The following SMG5 variants were observed in gnomAD, a reference collection of about 807,000 sequenced individuals.
SMG5 encodes the protein nonsense-mediated mRNA decay factor SMG5.
A neutral mutation model predicts 122.9 loss-of-function variants in SMG5; 53 were observed. That is an observed-to-expected ratio of 0.43 (90% confidence interval 0.35 to 0.54). The LOEUF is 0.54. Ranked by LOEUF, SMG5 falls within the 20% of genes least tolerant of loss-of-function variation. The pLI is 0.01. For missense variants in SMG5, 1,153 were observed against 1,285.6 expected (o/e 0.90, Z 1.58); for synonymous variants, 477 against 490.2 (o/e 0.97, Z 0.35).
intron 19 of SMG5, among the ~76,000 whole-genome samples, chr1:156,251,712 G>A (rs930883982): frequency 3.9e-5 from 6 of 152,220 alleles, no homozygotes; most frequent in African/African-American, 1.2e-4. Flanking sequence ...AGCTGGGAGG[G>A]GAGAAGCAGC....
chr1:156,250,901 C>T lies in SMG5; in HGVS notation c.2924G>A (p.Gly975Asp). ...CACGCTGGGGTTGTCCAGTGGAAGG[C>T]CTGTGATGATGGTCACCATGCCACT... ...DPSGMVTIIT[G>D]LPLDNPSVLS... Residue 975 changes from glycine (G) to aspartate (D), a missense_variant, in exon 21 of 22, where the codon GGC (glycine) becomes GAC (aspartate). Gly to Asp is a moderately conservative substitution (Grantham distance 94). Coordinates refer to ENST00000361813, the MANE Select transcript of SMG5 (RefSeq NM_015327.3). 2 of 1,613,954 alleles carry T rather than the reference C, an allele frequency of 1.2e-6. No individual in the cohort carries two copies. The highest frequency in any genetic ancestry group is 1.3e-5 in the African/African-American group (1 of 75,008).
chr1:156,273,335 A>G, intron 6 of SMG5, 26 bp downstream of exon 6: 9 of 1,600,758 alleles, frequency 5.6e-6, no homozygotes, highest in Non-Finnish European at 6.8e-6. Context: ...TACTGGATTC[A>G]GAGGCCCAAG....
chr1:156,260,453 C>A lies in SMG5; in HGVS notation c.2281G>T (p.Glu761Ter). The A allele has an allele frequency of 6.3e-7, 1 of 1,598,664 alleles. No homozygotes were observed. Among genetic ancestry groups the A allele is most frequent in the Non-Finnish European group, 8.5e-7 (1 of 1,174,578 alleles). Residue 761 changes from glutamate to a stop codon, truncating the protein, a stop_gained and splice_region_variant, in exon 15 of 22, where the codon GAG becomes TAG. Coordinates refer to ENST00000361813, the MANE Select transcript of SMG5 (RefSeq NM_015327.3). LOFTEE classifies it high-confidence loss of function. ...GGCATAAGAAATGCTATCCTTACCT[C>A]CTCTAAGGTGCTGAGCAGGGGCCGA... ...TDRPLLSTLE[E>*]SVVRICCIRS... is the part of the protein sequence containing the mutation.
At chr1:156,260,739 T>G in intron 14 of SMG5, 113 bp from the exon 15 acceptor site, 1 of 984,394 alleles carries the variant, frequency 1.0e-6, no homozygotes, top group East Asian at 3.0e-5. Context: ...AGGCAGGACA[T>G]ACCCTAGGAC....
Position 156,272,410 on chromosome 1 carries a change from G to C in SMG5, c.635-12C>G. ...ATTGAAGGGCATTCCTAGGGAGAAA[G>C]AGAATTCATGCAGTCTAAGGCCACA... is the stretch of plus-strand genomic sequence containing the variant. On this transcript the variant is annotated splice_polypyrimidine_tract_variant and intron_variant, in intron 6 of 21. Transcript: ENST00000361813. 1 of 1,593,682 alleles carries C rather than the reference G, an allele frequency of 6.3e-7. No homozygotes were observed.
At chr1:156,287,668 G>C (rs1663208413), upstream of SMG5, among the ~76,000 whole-genome samples, 1 of 139,376 alleles carries the variant, frequency 7.2e-6, no homozygotes, top group Non-Finnish European at 1.5e-5. Context: ...AGGCTGGAGA[G>C]TACAATGGCA....
chr1:156,275,255 A>G (rs1437244145), intron 4 of SMG5, among the ~76,000 whole-genome samples: 1 of 152,198 alleles, frequency 6.6e-6, no homozygotes, highest in African/African-American at 2.4e-5. Context: ...AAGGCAGCCT[A>G]CTGGAGAGTC....
chr1:156,279,134 G>A (rs1662819769), intron 1 of SMG5, 100 bp from the exon 2 acceptor site: 4 of 1,026,790 alleles, frequency 3.9e-6, no homozygotes, highest in Middle Eastern at 2.2e-4. Flanking sequence ...AGAATTAGCG[G>A]TGAGGGAAAA....
At chr1:156,257,510 A>C (rs1219422965) in intron 16 of SMG5, among the ~76,000 whole-genome samples, 1 of 152,098 alleles carries the variant, frequency 6.6e-6, no homozygotes, top group Non-Finnish European at 1.5e-5. Flanking sequence ...CTACCCCCCG[A>C]CAGGAAGAGT....
chr1:156,291,311 C>G, the SMG5 span: 88 of 1,409,292 alleles, frequency 6.2e-5, no homozygotes, highest in Middle Eastern at 3.6e-4. Flanking sequence ...TCTACTCCCC[C>G]CACCGTCAGC....
chr1:156,285,286 G>C (rs759740572), upstream of SMG5: 3 of 1,572,230 alleles, frequency 1.9e-6, no homozygotes, highest in Admixed American at 3.9e-5. Context: ...CCCCAGAGAA[G>C]AGCTCACCCC....
chr1:156,258,657 G>A (rs1160608107), intron 16 of SMG5, among the ~76,000 whole-genome samples: 8 of 152,182 alleles, frequency 5.3e-5, no homozygotes, highest in Non-Finnish European at 1.0e-4. Context: ...TTAGCTGGGC[G>A]TGGTGGCGTG....
At chr1:156,279,067 C>T (rs1384107311) in intron 1 of SMG5, 33 bp from the exon 2 acceptor site, 1 of 1,556,776 alleles carries the variant, frequency 6.4e-7, no homozygotes, top group Admixed American at 1.7e-5. Context: ...ATCCCCTCAG[C>T]CATATGCATG....
chr1:156,250,819 C>T (rs370208500), intron 21 of SMG5, 39 bp downstream of exon 21: 6 of 1,611,130 alleles, frequency 3.7e-6, no homozygotes, highest in African/African-American at 2.7e-5. Flanking sequence ...GTACCTCGTC[C>T]CTATTCCACA....
At chr1:156,291,466 G>T in the SMG5 span, 3 of 1,613,736 alleles carry the variant, frequency 1.9e-6, no homozygotes, top group South Asian at 3.3e-5. Context: ...CACTGCTGTC[G>T]ATGCTGATGT....
At chr1:156,276,764 CA>C (rs1662702177) in intron 4 of SMG5, among the ~76,000 whole-genome samples, 1 of 152,138 alleles carries the variant, frequency 6.6e-6, no homozygotes. Flanking sequence ...TCTCTAAAGT[CA>C]AAAGAAACAG....
chr1:156,269,698 A>AC (rs927268815), intron 7 of SMG5, among the ~76,000 whole-genome samples: 1 of 152,028 alleles, frequency 6.6e-6, no homozygotes, highest in African/African-American at 2.4e-5. Flanking sequence ...ACACAGTGAG[A>AC]CCCCGTCTCT....
At chr1:156,250,745 G>T in intron 21 of SMG5, 75 bp from the exon 22 acceptor site, 1 of 1,601,978 alleles carries the variant, frequency 6.2e-7, no homozygotes, top group Non-Finnish European at 8.6e-7. Context: ...AGGCGCTGGG[G>T]AAGGAGTGAT....
At chr1:156,266,765 C>A in intron 10 of SMG5, 87 bp from the exon 11 acceptor site, 9 of 1,363,880 alleles carry the variant, frequency 6.6e-6, no homozygotes, top group Non-Finnish European at 9.1e-6. Context: ...CATCTGTTCT[C>A]AACTCTTCCA....
Sources: allele counts gnomAD v4.1 joint callset (sites outside exome capture counted in the v4.1 genomes callset), GRCh38; gene constraint gnomAD v4.1.1; transcripts MANE v1.5; gene names NCBI Gene and HGNC (gene_info 2026-07-23, HGNC 2026-07-21).